FSIP1: variants seen among roughly 807,000 people sequenced by gnomAD.
FSIP1 encodes the protein fibrous sheath interacting protein 1.
Under a neutral mutation model 60.9 loss-of-function variants are expected in FSIP1, and 65 were observed. The observed-to-expected ratio is 1.07, with a 90% CI of 0.87 to 1.31. The LOEUF (loss-of-function observed/expected upper bound fraction) is 1.31, where lower values mean the gene tolerates loss of function less well. FSIP1 is among the 40% of genes most tolerant of loss of function. The probability of loss-of-function intolerance (pLI) is 0.00; values close to 1 mark genes in which losing one functional copy is unlikely to be tolerated. For missense variants in FSIP1, 675 were observed against 665.5 expected (o/e 1.01, Z -0.16); for synonymous variants, 209 against 221.2 (o/e 0.94, Z 0.49).
In FSIP1 at chr15:39,605,149, T is replaced by A. The variant is rs147366985; in HGVS notation, c.1700-4223A>T. ...GTCGTCATTATTAGTAGAACTTTTT[T>A]TTTATCTGAGGATCCCAATAAGATA... On this transcript the variant is annotated intron_variant, in intron 11 of 11. Coordinates refer to ENST00000350221, the MANE Select transcript of FSIP1 (RefSeq NM_152597.5). 5.9e-5 allele frequency among the ~76,000 whole-genome samples: 9 copies of A among 152,316 alleles called. No homozygotes were observed. In the East Asian group the frequency reaches 1.7e-3, roughly 29 times the overall value.
chr15:39,705,151 AG>A (rs1257683511), intron 10 of FSIP1, among the ~76,000 whole-genome samples: 1 of 152,218 alleles, frequency 6.6e-6, no homozygotes, highest in Non-Finnish European at 1.5e-5. Flanking sequence ...AACATCTTTG[AG>A]AGTATTTTAT....
chr15:39,710,231 C>T (rs1346507776), intron 10 of FSIP1, among the ~76,000 whole-genome samples: 1 of 151,832 alleles, frequency 6.6e-6, no homozygotes, highest in Non-Finnish European at 1.5e-5. Context: ...GCCTGTAATC[C>T]CAGCACTCCA....
chr15:39,691,813 G>C (rs1267397509), intron 10 of FSIP1, among the ~76,000 whole-genome samples: 2 of 152,078 alleles, frequency 1.3e-5, no homozygotes, highest in Non-Finnish European at 2.9e-5. Context: ...GTTACCAGGG[G>C]GACAGTCATC....
intron 11 of FSIP1, 43 bp from the exon 12 acceptor site, chr15:39,600,969 A>G (rs749084263): frequency 2.4e-5 from 36 of 1,476,408 alleles, no homozygotes; most frequent in Non-Finnish European, 3.3e-5. Context: ...AGATTCAGAA[A>G]TGTATGCATA....
chr15:39,674,092 T>C (rs1893831904), intron 10 of FSIP1, among the ~76,000 whole-genome samples: 1 of 151,602 alleles, frequency 6.6e-6, no homozygotes, highest in African/African-American at 2.4e-5. Flanking sequence ...TCTCGCTCTG[T>C]CGCCCAGGCT....
At chr15:39,775,878 T>C (rs923791206) in intron 2 of FSIP1, among the ~76,000 whole-genome samples, 12 of 152,068 alleles carry the variant, frequency 7.9e-5, no homozygotes, top group African/African-American at 2.7e-4. Flanking sequence ...AGTTCTTTTA[T>C]AGCAATGTGA....
chr15:39,688,834 G>A (rs970771285), intron 10 of FSIP1, among the ~76,000 whole-genome samples: 1 of 152,084 alleles, frequency 6.6e-6, no homozygotes, highest in African/African-American at 2.4e-5. Context: ...CCAGTTTTGT[G>A]CCTGCTAAGT....
chr15:39,732,437 T>C (rs896710734), intron 8 of FSIP1, among the ~76,000 whole-genome samples: 8 of 152,060 alleles, frequency 5.3e-5, no homozygotes, highest in Non-Finnish European at 2.9e-5. Context: ...CTGGCCAACA[T>C]GGTGAAATCC....
intron 5 of FSIP1, among the ~76,000 whole-genome samples, chr15:39,752,541 A>G (rs934333427): frequency 1.3e-5 from 2 of 152,020 alleles, no homozygotes; most frequent in African/African-American, 4.8e-5. Context: ...TTCCTCCCAA[A>G]AACACATACT....
At chr15:39,710,993 G>T (rs1169334943) in intron 10 of FSIP1, among the ~76,000 whole-genome samples, 1 of 152,140 alleles carries the variant, frequency 6.6e-6, no homozygotes, top group East Asian at 1.9e-4. Flanking sequence ...ATTCCATAAG[G>T]CACTGGAATG....
Position 39,759,610 on chromosome 15 carries a change from C to T in FSIP1, c.559+4211G>A, listed in dbSNP as rs73395295. ...TTCTATAGCGGCCCTAACAAATTAC[C>T]ACAAACTTGGTGGCTTCAAACAACA... is the stretch of plus-strand genomic sequence containing the variant. On this transcript the variant is annotated intron_variant, in intron 5 of 11. Transcript: ENST00000350221. Among the ~76,000 whole-genome samples the T allele has an allele frequency of 8.1e-3, 1,237 of 152,186 alleles. 16 individuals are homozygous for T. Among genetic ancestry groups the T allele is most frequent in the African/African-American group, 0.028 (1,166 of 41,522 alleles).
chr15:39,663,371 A>T (rs1420323861), intron 10 of FSIP1, among the ~76,000 whole-genome samples: 1 of 152,112 alleles, frequency 6.6e-6, no homozygotes, highest in Non-Finnish European at 1.5e-5. Flanking sequence ...TATAAATATA[A>T]ATAGTATATA....
intron 10 of FSIP1, among the ~76,000 whole-genome samples, chr15:39,676,837 T>C (rs886922290): frequency 3.3e-5 from 5 of 152,228 alleles, no homozygotes; most frequent in African/African-American, 1.2e-4. Context: ...TCACTTACTA[T>C]AGGTATTTAG....
At chr15:39,701,532 G>A (rs2664128) in intron 10 of FSIP1, among the ~76,000 whole-genome samples, 148,522 of 152,258 alleles carry the variant, frequency 0.98, 72,569 homozygotes, top group Non-Finnish European at 0.99. Flanking sequence ...AAGCTATAGA[G>A]TGATGAAGGG....
rs185164940 is a variant in FSIP1, at chr15:39,655,577, C to A, written c.1189-37332G>T. On this transcript the variant is annotated intron_variant, in intron 10 of 11. Coordinates refer to ENST00000350221, the MANE Select transcript of FSIP1 (RefSeq NM_152597.5). The stretch of plus-strand genomic sequence containing the variant: ...AAGTTCAGTGTTGTAACGACTGAGG[C>A]TCTGAAAATCATGGCTCCAAAACTC... 1.1e-3 allele frequency among the ~76,000 whole-genome samples: 162 copies of A among 152,182 alleles called. 2 individuals are homozygous for A. Among genetic ancestry groups the A allele is most frequent in the Non-Finnish European group, 1.5e-4 (10 of 68,040 alleles).
intron 11 of FSIP1, among the ~76,000 whole-genome samples, 168 bp from the exon 12 acceptor site, chr15:39,601,094 C>T (rs150431848): frequency 5.9e-5 from 9 of 152,138 alleles, no homozygotes; most frequent in Admixed American, 5.2e-4. Flanking sequence ...ACAAAGTTTA[C>T]GAGAAAAATA....
chr15:39,684,510 C>T (rs1177143657), intron 10 of FSIP1, among the ~76,000 whole-genome samples: 1 of 152,080 alleles, frequency 6.6e-6, no homozygotes, highest in Non-Finnish European at 1.5e-5. Flanking sequence ...TTCCTTAACC[C>T]TATAGAAGGA....
intron 10 of FSIP1, among the ~76,000 whole-genome samples, chr15:39,681,607 AAT>A (rs1225070802): frequency 1.3e-5 from 2 of 152,198 alleles, no homozygotes; most frequent in Admixed American, 1.3e-4. Context: ...ATATTATTCC[AAT>A]ATGGATTTAA....
At position 39,703,325 on chromosome 15, in the gene FSIP1, A is replaced by G. The variant is rs73395238; in HGVS notation, c.1188+10119T>C. On this transcript the variant is annotated intron_variant, in intron 10 of 11. Transcript: ENST00000350221. ...GGTGCCTCTCAAGATATGGCACATT[A>G]TTATTCAGAAACAGCACAATGCCTA... Among the ~76,000 whole-genome samples, 1,064 of 152,302 alleles carry G rather than the reference A, an allele frequency of 7.0e-3. 12 individuals are homozygous for G. Among genetic ancestry groups the G allele is most frequent in the African/African-American group, 0.024 (1,000 of 41,556 alleles).
Sources: allele counts gnomAD v4.1 joint callset (sites outside exome capture counted in the v4.1 genomes callset), GRCh38; gene constraint gnomAD v4.1.1; transcripts MANE v1.5; gene names NCBI Gene and HGNC (gene_info 2026-07-23, HGNC 2026-07-21).